HCN1: variants seen among roughly 807,000 people sequenced by gnomAD.
HCN1 encodes the protein potassium/sodium hyperpolarization-activated cyclic nucleotide-gated channel 1.
In HCN1, 13 loss-of-function variants were observed where a neutral mutation model predicts 78.9. That is an observed-to-expected ratio of 0.16 (90% CI 0.11 to 0.26). The LOEUF is 0.26. Among genes scored for constraint, HCN1 ranks in the 10% least tolerant of loss-of-function variants. The pLI is 1.00. For synonymous variants in HCN1, 552 were observed against 455.5 expected, an observed-to-expected ratio of 1.21 and a Z score of -2.70; for missense variants, 810 against 1,154.3, an observed-to-expected ratio of 0.70 and a Z score of 4.32.
At position 45,439,802 on chromosome 5, in the gene HCN1, C is replaced by T. The variant is rs141405623; in HGVS notation, c.1011+22044G>A. Among the ~76,000 whole-genome samples, 11 of 149,300 alleles carry T rather than the reference C, an allele frequency of 7.4e-5. No individual in the cohort carries two copies. In the East Asian group the frequency reaches 1.2e-3, roughly 16 times the overall value. ...TGTGATATAAATGCTAGTTCACAGA[C>T]GAAGACAAACTTCCTGGAACAGATG... On this transcript the variant is annotated intron_variant, in intron 3 of 7. Coordinates refer to ENST00000303230, the MANE Select transcript of HCN1 (RefSeq NM_021072.4).
At chr5:45,436,381 G>T (rs1336652684) in intron 3 of HCN1, among the ~76,000 whole-genome samples, 1 of 152,148 alleles carries the variant, frequency 6.6e-6, no homozygotes, top group Non-Finnish European at 1.5e-5. Context: ...GGGAGGTTCT[G>T]CATTGTACCA....
chr5:45,407,698 T>C (rs1364009081), intron 3 of HCN1, among the ~76,000 whole-genome samples: 1 of 152,028 alleles, frequency 6.6e-6, no homozygotes, highest in Non-Finnish European at 1.5e-5. Flanking sequence ...TTTTTGTATT[T>C]TTAGTAGAGA....
intron 3 of HCN1, among the ~76,000 whole-genome samples, chr5:45,435,161 A>T (rs1252659604): frequency 6.6e-6 from 1 of 152,092 alleles, no homozygotes; most frequent in African/African-American, 2.4e-5. Context: ...TGACTAATTT[A>T]TATACTTATC....
chr5:45,501,639 C>A (rs1256677847), intron 2 of HCN1, among the ~76,000 whole-genome samples: 1 of 152,082 alleles, frequency 6.6e-6, no homozygotes, highest in African/African-American at 2.4e-5. Context: ...CAGCGTTTGA[C>A]CATGTTGGCC....
chr5:45,674,399 T>G (rs1369001289), intron 1 of HCN1, among the ~76,000 whole-genome samples: 1 of 151,662 alleles, frequency 6.6e-6, no homozygotes, highest in Non-Finnish European at 1.5e-5. Context: ...TCTAGGAATC[T>G]TCTGTGATTG....
At chr5:45,408,978 A>T (rs142708023) in intron 3 of HCN1, among the ~76,000 whole-genome samples, 1 of 152,142 alleles carries the variant, frequency 6.6e-6, no homozygotes, top group Admixed American at 6.6e-5. Flanking sequence ...CGGTTATCAG[A>T]TCATAAAATT....
chr5:45,261,668 T>C lies in HCN1; in HGVS notation c.*253A>G. 1 of 307,284 alleles carries C rather than the reference T, an allele frequency of 3.3e-6. No homozygotes were observed. The highest frequency in any genetic ancestry group is 6.1e-5 in the South Asian group (1 of 16,470). 19.0% of individuals were successfully genotyped at this position (307,284 alleles called of 1,614,324 possible). On this transcript the variant is annotated 3_prime_UTR_variant, in exon 8 of 8. Transcript: ENST00000303230. ...AATCTTACAACGACATTTTAAATCC[T>C]TTAATGATTTAAAGAAAGGAAGACA...
At chr5:45,621,753 C>A (rs1277989650) in intron 2 of HCN1, among the ~76,000 whole-genome samples, 2 of 152,028 alleles carry the variant, frequency 1.3e-5, no homozygotes, top group African/African-American at 4.8e-5. Flanking sequence ...CATAACGAAT[C>A]TAGTAGTTTG....
At chr5:45,380,157 A>C (rs915405148) in intron 4 of HCN1, among the ~76,000 whole-genome samples, 3 of 152,070 alleles carry the variant, frequency 2.0e-5, no homozygotes, top group African/African-American at 7.2e-5. Flanking sequence ...TCAAGACATC[A>C]GCAGATTCAG....
chr5:45,642,231 G>C (rs2589172), intron 2 of HCN1: 1 of 152,100 alleles, frequency 6.6e-6, no homozygotes, highest in Middle Eastern at 3.4e-3. Context: ...CTTATAATTG[G>C]TTCATGAAAA....
chr5:45,368,427 G>T (rs891403723), intron 4 of HCN1, among the ~76,000 whole-genome samples: 1 of 151,940 alleles, frequency 6.6e-6, no homozygotes, highest in Admixed American at 6.6e-5. Context: ...CATTTAAATA[G>T]AAATGATAAA....
intron 3 of HCN1, among the ~76,000 whole-genome samples, chr5:45,461,572 T>C (rs1427426107): frequency 6.6e-6 from 1 of 152,176 alleles, no homozygotes; most frequent in Non-Finnish European, 1.5e-5. Context: ...TTTATGATTG[T>C]ATCTTTGAAA....
intron 4 of HCN1, among the ~76,000 whole-genome samples, chr5:45,392,611 C>T (rs977280656): frequency 1.1e-4 from 17 of 151,980 alleles, no homozygotes; most frequent in African/African-American, 3.6e-4. Context: ...CCAAGGTTGG[C>T]GGATTACTTG....
chr5:45,695,579 AG>A (rs1739992158), intron 1 of HCN1, 89 bp downstream of exon 1: 1 of 1,283,544 alleles, frequency 7.8e-7, no homozygotes, highest in Non-Finnish European at 1.1e-6. Flanking sequence ...CCGCCCTCCT[AG>A]TCCCCGGGAC....
chr5:45,318,013 C>A (rs1381245415), intron 5 of HCN1, among the ~76,000 whole-genome samples: 3 of 152,124 alleles, frequency 2.0e-5, no homozygotes, highest in Non-Finnish European at 4.4e-5. Context: ...GTGGTGATTC[C>A]TCAAGCATCT....
At chr5:45,497,788 C>A (rs1436449751) in intron 2 of HCN1, among the ~76,000 whole-genome samples, 1 of 152,184 alleles carries the variant, frequency 6.6e-6, no homozygotes, top group East Asian at 1.9e-4. Flanking sequence ...CTGGTGGTGA[C>A]AAAATCTCTC....
chr5:45,347,858 G>C (rs1229288793), intron 5 of HCN1, among the ~76,000 whole-genome samples: 8 of 152,146 alleles, frequency 5.3e-5, no homozygotes, highest in African/African-American at 1.9e-4. Context: ...AGAAATATGG[G>C]ATTATATGAA....
chr5:45,612,954 T>C (rs1744868573), intron 2 of HCN1, among the ~76,000 whole-genome samples: 2 of 152,196 alleles, frequency 1.3e-5, no homozygotes, highest in Admixed American at 1.3e-4. Flanking sequence ...ATCCCTATGA[T>C]GATTTTCAAA....
chr5:45,301,404 A>G (rs1353941385), intron 6 of HCN1, among the ~76,000 whole-genome samples: 1 of 151,564 alleles, frequency 6.6e-6, no homozygotes, highest in East Asian at 1.9e-4. Flanking sequence ...AGTAAAACTA[A>G]ATAAAATAGA....
Sources: allele counts gnomAD v4.1 joint callset (sites outside exome capture counted in the v4.1 genomes callset), GRCh38; gene constraint gnomAD v4.1.1; transcripts MANE v1.5; gene names NCBI Gene and HGNC (gene_info 2026-07-23, HGNC 2026-07-21).